Variants in LAMA3 observed in about 807,000 individuals in gnomAD.
The protein encoded by LAMA3 is laminin subunit alpha 3.
Under a neutral mutation model 402.0 loss-of-function variants are expected in LAMA3, and 281 were observed. That is an observed-to-expected ratio of 0.70 (90% CI 0.63 to 0.77). LAMA3 has a LOEUF of 0.77. Among genes scored for constraint, LAMA3 ranks in the 30% least tolerant of loss-of-function variants. LAMA3 has a pLI of 0.00. For missense variants in LAMA3, 3,840 were observed against 4,215.5 expected (o/e 0.91, Z 2.47); for synonymous variants, 1,431 against 1,558.4 (o/e 0.92, Z 1.93).
chr18:23,691,746 A>G lies in LAMA3; in HGVS notation c.294+1769A>G, dbSNP rs981134788. On this transcript the variant is annotated intron_variant, in intron 1 of 74. Coordinates refer to ENST00000313654, the MANE Select transcript of LAMA3 (RefSeq NM_198129.4). ...GCCACCATGCGTGGCTAATTTTTGT[A>G]TCTTTTGTAGAGACAAGGTTTTGCC... is the stretch of plus-strand genomic sequence containing the variant. Among the ~76,000 whole-genome samples, 4 of 152,162 alleles carry G rather than the reference A, an allele frequency of 2.6e-5. 1 individual carries two copies. The highest frequency in any genetic ancestry group is 5.9e-5 in the Non-Finnish European group (4 of 68,030).
intron 17 of LAMA3, 21 bp downstream of exon 17, chr18:23,815,594 C>T (rs771931830): frequency 6.7e-7 from 1 of 1,481,608 alleles, no homozygotes; most frequent in Non-Finnish European, 9.4e-7. Context: ...CCATTGGGCC[C>T]TGAGCAAAGC....
intron 39 of LAMA3, among the ~76,000 whole-genome samples, chr18:23,878,636 G>A (rs2064801226): frequency 6.6e-6 from 1 of 152,246 alleles, no homozygotes; most frequent in African/African-American, 2.4e-5. Context: ...TCAAAGAACA[G>A]TAAAGAGGAA....
At chr18:23,750,893 C>A (rs2061738033) in intron 4 of LAMA3, 25 bp from the exon 5 acceptor site, 1 of 1,613,836 alleles carries the variant, frequency 6.2e-7, no homozygotes, top group East Asian at 2.2e-5. Flanking sequence ...CTTTTTCCCC[C>A]TTTATGTGTG....
At chr18:23,694,206 A>G (rs755288246) in intron 1 of LAMA3, among the ~76,000 whole-genome samples, 1 of 152,224 alleles carries the variant, frequency 6.6e-6, no homozygotes. Flanking sequence ...GAGTTAATAA[A>G]TGAATATTAA....
At position 23,939,305 on chromosome 18, in the gene LAMA3, C is replaced by T. The variant is rs181006797; in HGVS notation, c.8945C>T (p.Ala2982Val). 3 of 1,614,128 alleles carry T rather than the reference C, an allele frequency of 1.9e-6. No homozygotes were observed. The highest frequency in any genetic ancestry group is 2.5e-6 in the Non-Finnish European group (3 of 1,179,954). Residue 2982 changes from alanine (A) to valine (V), a missense_variant, in exon 68 of 75, where the codon GCC becomes GTC. By Grantham distance (64) the Ala-to-Val change is moderately conservative (BLOSUM62 0). This residue lies in a region of LAMA3 where 840 missense variants were observed against 981.9 expected (regional missense o/e 0.86). Transcript: ENST00000313654. ...DACSPLPKTQ[A>V]NHGALQFGDI... ...TGCTCACCACTTCCCAAGACCCAGG[C>T]CAATCATGGAGCCCTCCAGTTTGGG...
Position 23,939,276 on chromosome 18 carries a change from T to C in LAMA3, c.8916T>C (p.Asp2972=). ...CAAGGAGCGTGAAGGTGTGGCAAGA[T>C]GCTTGCTCACCACTTCCCAAGACCC... ...ASPRSVKVWQ[D]ACSPLPKTQA... is the part of the protein sequence containing the mutation. The change falls in exon 68 of 75, where the codon GAT becomes GAC. Residue 2972 remains aspartate (D), a synonymous_variant. Transcript: ENST00000313654. The C allele has an allele frequency of 6.2e-7, 1 of 1,614,218 alleles. No homozygotes were observed. Among genetic ancestry groups the C allele is most frequent in the African/African-American group, 1.3e-5 (1 of 75,070 alleles).
intron 1 of LAMA3, among the ~76,000 whole-genome samples, chr18:23,702,178 G>C (rs1439518095): frequency 6.6e-6 from 1 of 152,102 alleles, no homozygotes; most frequent in Non-Finnish European, 1.5e-5. Flanking sequence ...GTGGGAGTTT[G>C]AGGAGCAAGG....
At chr18:23,946,508 G>A (rs184924436) in intron 70 of LAMA3, 263 of 571,574 alleles carry the variant, frequency 4.6e-4, no homozygotes, top group Admixed American at 1.6e-3. Flanking sequence ...CTGAAAGGGT[G>A]AAGATAGAGC....
chr18:23,875,314 C>G (rs2064671815), intron 38 of LAMA3, among the ~76,000 whole-genome samples: 1 of 151,854 alleles, frequency 6.6e-6, no homozygotes, highest in South Asian at 2.1e-4. Context: ...TAACTAGAAT[C>G]CTTTTAAAAA....
chr18:23,886,574 C>T (rs1457884368), intron 41 of LAMA3, among the ~76,000 whole-genome samples: 3 of 150,882 alleles, frequency 2.0e-5, no homozygotes, highest in Admixed American at 6.6e-5. Flanking sequence ...CCCAGGAGTT[C>T]GAGGCTGCAG....
At chr18:23,735,385 G>A (rs1418584680) in intron 2 of LAMA3, among the ~76,000 whole-genome samples, 1 of 152,212 alleles carries the variant, frequency 6.6e-6, no homozygotes, top group East Asian at 1.9e-4. Flanking sequence ...GGAAGAAGTT[G>A]TTAGAGAGTT....
intron 49 of LAMA3, among the ~76,000 whole-genome samples, chr18:23,903,351 TCA>T (rs1447890074): frequency 6.6e-6 from 1 of 152,214 alleles, no homozygotes; most frequent in African/African-American, 2.4e-5. Context: ...AATGAGCAAA[TCA>T]CTTTTGTGAT....
Position 23,867,934 on chromosome 18 carries a change from C to CATA in LAMA3, c.4767+18_4767+20dup. The CATA allele has an allele frequency of 6.3e-7, 1 of 1,596,496 alleles. No individual in the cohort carries two copies. Among genetic ancestry groups the CATA allele is most frequent in the Non-Finnish European group, 8.6e-7 (1 of 1,164,136 alleles). Reference sequence around the variant, plus strand: ...GTGGTCGAGGTAAAGGAAGAGCAACCATAGGATGGTCCTTTCTGTTTTGTG... The same window carrying CATA: ...GTGGTCGAGGTAAAGGAAGAGCAACCATAATAGGATGGTCCTTTCTGTTTTGTG... On this transcript the variant is annotated intron_variant, in intron 37 of 74. Transcript: ENST00000313654.
intron 59 of LAMA3, among the ~76,000 whole-genome samples, chr18:23,916,032 G>GAAAAAAAAAAAAAAAAAAA (rs1161975680): frequency 8.6e-6 from 1 of 116,318 alleles, no homozygotes; most frequent in African/African-American, 3.7e-5. Context: ...AAAAAAAAAA[G>GAAAAAAAAAAAAAAAAAAA]AAAAGAAAAG....
At chr18:23,824,100 T>C (rs981389544) in intron 20 of LAMA3, among the ~76,000 whole-genome samples, 2 of 152,190 alleles carry the variant, frequency 1.3e-5, no homozygotes, top group Non-Finnish European at 2.9e-5. Context: ...TAGTAGCTAA[T>C]GTAATATATT....
intron 39 of LAMA3, 72 bp from the exon 40 acceptor site, chr18:23,881,860 CTAAG>C (rs1273990373): frequency 4.3e-6 from 4 of 932,152 alleles, no homozygotes; most frequent in Non-Finnish European, 5.2e-6. Context: ...AGTCATGTGA[CTAAG>C]TAAGATTACA....
intron 12 of LAMA3, among the ~76,000 whole-genome samples, chr18:23,791,648 C>T (rs758471673): frequency 4.1e-4 from 61 of 148,950 alleles, no homozygotes; most frequent in Non-Finnish European, 7.4e-4. Context: ...GTGGGAAAAT[C>T]GCTTGAATCT....
chr18:23,774,647 C>T (rs1245434523), intron 9 of LAMA3, among the ~76,000 whole-genome samples: 1 of 152,178 alleles, frequency 6.6e-6, no homozygotes, highest in Non-Finnish European at 1.5e-5. Context: ...CTATTCAATG[C>T]TTGGTTCTTT....
chr18:23,914,841 G>A lies in LAMA3; in HGVS notation c.7625G>A (p.Gly2542Asp), dbSNP rs1434986565. 1 of 1,612,108 alleles carries A rather than the reference G, an allele frequency of 6.2e-7. No individual in the cohort carries two copies. Among genetic ancestry groups the A allele is most frequent in the African/African-American group, 1.3e-5 (1 of 74,822 alleles). Residue 2542 changes from glycine to aspartate, a missense_variant, in exon 58 of 75, where the codon GGT becomes GAT. Transcript: ENST00000313654. ...GAAAATGTTGTATTTTATGTTGGAG[G>A]TTACCCACCTGATTTTAAAGTAAGT... ...DPENVVFYVG[G>D]YPPDFKLPSR...
Sources: gnomAD v4.1 joint callset for allele counts (sites outside exome capture counted in the v4.1 genomes callset) on GRCh38, gnomAD v4.1.1 for gene constraint, gnomAD v4.1.1 regional missense constraint, MANE v1.5 for transcripts, NCBI Gene and HGNC (gene_info 2026-07-23, HGNC 2026-07-21) for gene names.